The following CHSY3 variants were observed in gnomAD, a reference collection of about 807,000 sequenced individuals.
CHSY3 encodes the protein chondroitin sulfate synthase 3.
A neutral mutation model predicts 67.2 loss-of-function variants in CHSY3; 35 were observed. The ratio of observed to expected loss-of-function variants is 0.52; its 90% CI spans 0.40 to 0.69. The LOEUF (loss-of-function observed/expected upper bound fraction) is 0.69. CHSY3 is among the 30% of genes least tolerant of loss of function. The probability of loss-of-function intolerance (pLI) is 0.00; values close to 1 mark genes in which losing one functional copy is unlikely to be tolerated. For synonymous variants in CHSY3, 474 were observed against 434.7 expected, an observed-to-expected ratio of 1.09 and a Z score of -1.12; for missense variants, 1,069 against 1,138.5, an observed-to-expected ratio of 0.94 and a Z score of 0.88.
intron 2 of CHSY3, chr5:130,141,600 T>C: frequency 2.0e-6 from 1 of 503,856 alleles, no homozygotes; most frequent in South Asian, 1.5e-5. Flanking sequence ...AATACAGAGC[T>C]GAAGATGAGA....
chr5:130,102,285 A>G lies in CHSY3; in HGVS notation c.1087-81944A>G, dbSNP rs1191632963. ...AACAAGACAAATAATCACCTCTACTATTAACTAATTTTGAAAGAGGATATC... is the reference window on the plus strand; with the variant it reads ...AACAAGACAAATAATCACCTCTACTGTTAACTAATTTTGAAAGAGGATATC... On this transcript the variant is annotated intron_variant, in intron 2 of 2. Coordinates refer to ENST00000305031, the MANE Select transcript of CHSY3 (RefSeq NM_175856.5). Among the ~76,000 whole-genome samples the G allele has an allele frequency of 2.6e-5, 4 of 152,186 alleles. No individual in the cohort carries two copies. The East Asian group carries it at 7.7e-4, about 29-fold the overall frequency.
chr5:129,927,929 C>A (rs1017938608), intron 2 of CHSY3, among the ~76,000 whole-genome samples: 5 of 151,890 alleles, frequency 3.3e-5, no homozygotes, highest in African/African-American at 1.2e-4. Context: ...GAAGCCCCCA[C>A]AATTCCTAGG....
intron 2 of CHSY3, among the ~76,000 whole-genome samples, chr5:130,053,506 A>G (rs1310182090): frequency 6.6e-6 from 1 of 152,118 alleles, no homozygotes; most frequent in Admixed American, 6.6e-5. Context: ...TCAAATGCAT[A>G]CATACTCTCT....
At chr5:130,088,002 A>C (rs1193027014) in intron 2 of CHSY3, among the ~76,000 whole-genome samples, 1 of 152,182 alleles carries the variant, frequency 6.6e-6, no homozygotes, top group Non-Finnish European at 1.5e-5. Context: ...ACAACATGGT[A>C]GTGGTACCAA....
In CHSY3 at chr5:129,904,764, T is replaced by C. The variant is rs1760168280; in HGVS notation, c.-66T>C. 3.9e-6 allele frequency: 5 copies of C among 1,282,550 alleles called. No individual in the cohort carries two copies. The highest frequency in any genetic ancestry group is 4.9e-6 in the Non-Finnish European group (5 of 1,016,540). 79.4% of individuals were successfully genotyped at this position (1,282,550 alleles called of 1,614,324 possible). ...CGCAAAGGCGGAGGAGGGGCGGGTGTGAGCCGGGGAAACCGCGTGCCGCGC... is the reference window on the plus strand; with the variant it reads ...CGCAAAGGCGGAGGAGGGGCGGGTGCGAGCCGGGGAAACCGCGTGCCGCGC... On this transcript the variant is annotated 5_prime_UTR_variant, in exon 1 of 3. Coordinates refer to ENST00000305031, the MANE Select transcript of CHSY3 (RefSeq NM_175856.5).
chr5:130,142,562 T>C (rs1342716880), intron 2 of CHSY3, among the ~76,000 whole-genome samples: 5 of 152,162 alleles, frequency 3.3e-5, no homozygotes, highest in African/African-American at 1.2e-4. Context: ...TTTTAAAGGG[T>C]TTTCATTTTT....
At chr5:129,957,103 A>G (rs1039957976) in intron 2 of CHSY3, among the ~76,000 whole-genome samples, 2 of 152,028 alleles carry the variant, frequency 1.3e-5, no homozygotes, top group African/African-American at 4.8e-5. Flanking sequence ...ATGAGCATGG[A>G]ATGTTTTTCC....
chr5:130,085,409 C>T (rs559994380), intron 2 of CHSY3, among the ~76,000 whole-genome samples: 1 of 152,082 alleles, frequency 6.6e-6, no homozygotes, highest in African/African-American at 2.4e-5. Context: ...TGAACCAGAG[C>T]ATCTTCTATC....
chr5:129,928,284 T>A (rs1761183538), intron 2 of CHSY3, among the ~76,000 whole-genome samples: 1 of 149,444 alleles, frequency 6.7e-6, no homozygotes, highest in Non-Finnish European at 1.5e-5. Context: ...ATATTTGTCA[T>A]TTTTTCAGTA....
At chr5:129,940,551 A>C (rs1761665176) in intron 2 of CHSY3, among the ~76,000 whole-genome samples, 1 of 152,160 alleles carries the variant, frequency 6.6e-6, no homozygotes, top group African/African-American at 2.4e-5. Flanking sequence ...ATATGTAAAA[A>C]TATGCTTTTT....
At chr5:130,161,435 A>G (rs552686786) in intron 2 of CHSY3, among the ~76,000 whole-genome samples, 3 of 152,190 alleles carry the variant, frequency 2.0e-5, no homozygotes, top group Non-Finnish European at 4.4e-5. Flanking sequence ...TTGTGCAAAC[A>G]CCATAAGTTT....
chr5:130,158,661 C>T (rs1319666077), intron 2 of CHSY3, among the ~76,000 whole-genome samples: 1 of 152,036 alleles, frequency 6.6e-6, no homozygotes, highest in Non-Finnish European at 1.5e-5. Flanking sequence ...TAAGTGGTGA[C>T]CTTTTATAAA....
At chr5:129,930,636 A>T (rs950094210) in intron 2 of CHSY3, among the ~76,000 whole-genome samples, 1 of 151,934 alleles carries the variant, frequency 6.6e-6, no homozygotes, top group Non-Finnish European at 1.5e-5. Flanking sequence ...TTTCACCTAC[A>T]TCAAAGCTGT....
intron 2 of CHSY3, chr5:130,141,282 C>T: frequency 9.1e-6 from 4 of 437,664 alleles, no homozygotes; most frequent in South Asian, 8.2e-5. Flanking sequence ...TCCCACCATT[C>T]CTATCAAGCA....
At chr5:130,093,867 G>A (rs1006175999) in intron 2 of CHSY3, among the ~76,000 whole-genome samples, 2 of 152,108 alleles carry the variant, frequency 1.3e-5, no homozygotes, top group Non-Finnish European at 2.9e-5. Flanking sequence ...ATGGTGATCA[G>A]AACAGATTTT....
At chr5:130,075,711 T>C (rs1766227612) in intron 2 of CHSY3, among the ~76,000 whole-genome samples, 1 of 152,164 alleles carries the variant, frequency 6.6e-6, no homozygotes, top group African/African-American at 2.4e-5. Flanking sequence ...GAAGTAATAG[T>C]GCTTGCTGTG....
At chr5:129,907,520 C>G (rs191533568) in intron 1 of CHSY3, among the ~76,000 whole-genome samples, 1 of 152,276 alleles carries the variant, frequency 6.6e-6, no homozygotes, top group East Asian at 1.9e-4. Context: ...ACCAATTACA[C>G]TAATTTTTGA....
At chr5:129,961,261 T>C (rs1762320112) in intron 2 of CHSY3, among the ~76,000 whole-genome samples, 1 of 152,004 alleles carries the variant, frequency 6.6e-6, no homozygotes, top group Non-Finnish European at 1.5e-5. Context: ...GCAGGGAAGG[T>C]ATGTAACAGT....
intron 2 of CHSY3, among the ~76,000 whole-genome samples, chr5:130,149,337 GT>G (rs1769165434): frequency 1.3e-5 from 2 of 152,178 alleles, no homozygotes; most frequent in African/African-American, 4.8e-5. Flanking sequence ...AGGAAGCATA[GT>G]ACCAGTATCT....
Sources: allele counts gnomAD v4.1 joint callset (sites outside exome capture counted in the v4.1 genomes callset), GRCh38; gene constraint gnomAD v4.1.1; transcripts MANE v1.5; gene names NCBI Gene and HGNC (gene_info 2026-07-23, HGNC 2026-07-21).